Variants in CCNA1 observed in about 807,000 individuals in gnomAD.
CCNA1 encodes cyclin-A1.
Under a neutral mutation model 54.1 loss-of-function variants are expected in CCNA1, and 23 were observed. The observed-to-expected ratio is 0.42, with a 90% CI of 0.31 to 0.60. The LOEUF is 0.60. Ranked by LOEUF, CCNA1 falls within the 20% of genes least tolerant of loss-of-function variation. The probability of loss-of-function intolerance (pLI) is 0.14; values close to 1 mark genes in which losing one functional copy is unlikely to be tolerated. For synonymous variants in CCNA1, 208 were observed against 213.9 expected (o/e 0.97, Z 0.24); for missense variants, 450 against 556.7 (o/e 0.81, Z 1.93).
Position 36,440,157 on chromosome 13 carries a change from T to C in CCNA1, c.1072T>C (p.Cys358Arg), listed in dbSNP as rs1280032733. Residue 358 changes from cysteine to arginine, a missense_variant, in exon 6 of 9, where the codon TGC becomes CGC. This residue lies in a region of CCNA1 where 150 missense variants were observed against 219.7 expected (regional missense o/e 0.68). Coordinates refer to ENST00000255465, the MANE Select transcript of CCNA1 (RefSeq NM_003914.4). ...TCAGTACTTGAGGCGACAAGGAGTG[T>C]GCGTCAGGACTGAGAACCTGGCTAA... is the stretch of plus-strand genomic sequence containing the variant. The C allele has an allele frequency of 6.2e-7, 1 of 1,614,088 alleles. No homozygotes were observed. Among genetic ancestry groups the C allele is most frequent in the Non-Finnish European group, 8.5e-7 (1 of 1,179,940 alleles).
chr13:36,441,748 T>G (rs2055877405), intron 7 of CCNA1, among the ~76,000 whole-genome samples: 1 of 152,204 alleles, frequency 6.6e-6, no homozygotes, highest in African/African-American at 2.4e-5. Flanking sequence ...CTTATTTTCA[T>G]GAATGCTTAT....
At chr13:36,431,977 A>T (rs2137797853), upstream of CCNA1, 1 of 153,076 alleles carries the variant, frequency 6.5e-6, no homozygotes, top group East Asian at 1.9e-4. Context: ...AGCCGGGGCC[A>T]TCGTGGGGTG....
Position 36,438,651 on chromosome 13 carries a change from A to T in CCNA1, c.677A>T (p.His226Leu). Residue 226 changes from histidine to leucine, a missense_variant, in exon 5 of 9, where the codon CAC (histidine) becomes CTC (leucine). Physicochemically the swap from His to Leu is moderately conservative, Grantham distance 99 (BLOSUM62 -3). Around this residue, in one of 6 missense-constraint regions of CCNA1, gnomAD observed 150 missense variants for 219.7 expected, o/e 0.68. Transcript: ENST00000255465. The stretch of plus-strand genomic sequence containing the variant: ...AAACCTTTTCCCAATCAGATAAGGC[A>T]CAGACCCAAAGCACACTACATGAAG... 6.2e-7 allele frequency: 1 copy of T among 1,613,470 alleles called. No homozygotes were observed. The highest frequency in any genetic ancestry group is 8.5e-7 in the Non-Finnish European group (1 of 1,179,716).
Position 36,433,372 on chromosome 13 carries a change from TTCTTTCTTTCTTTCTTTCTTTC to T in CCNA1, c.297+153_297+174del, listed in dbSNP as rs1238070838. ...CTACAGGAAAGTTGATTGATTTATTTTCTTTCTTTCTTTCTTTCTTTCTTTCTTTCTTTCTTTCTTTCTTTCT... is the reference window on the plus strand; with the variant it reads ...CTACAGGAAAGTTGATTGATTTATTTTTTCTTTCTTTCTTTCTTTCTTTCT... On this transcript the variant is annotated intron_variant, in intron 2 of 8. Transcript: ENST00000255465. 9.1e-3 allele frequency: 721 copies of T among 79,466 alleles called. 53 individuals carry two copies. Among genetic ancestry groups the T allele is most frequent in the African/African-American group, 0.046 (655 of 14,380 alleles). 4.9% of individuals were successfully genotyped at this position (79,466 alleles called of 1,614,324 possible). A position where few individuals can be genotyped will look rare whatever the true frequency, so the allele number is the denominator to read the frequency against.
intron 2 of CCNA1, among the ~76,000 whole-genome samples, chr13:36,437,305 TC>T (rs1207105324): frequency 6.6e-6 from 1 of 152,200 alleles, no homozygotes; most frequent in Non-Finnish European, 1.5e-5. Context: ...TTTACAGTTT[TC>T]CCTTTATATG....
At chr13:36,431,980 G>C (rs965715102), upstream of CCNA1, 15 of 152,986 alleles carry the variant, frequency 9.8e-5, no homozygotes, top group Non-Finnish European at 1.8e-4. Flanking sequence ...CGGGGCCATC[G>C]TGGGGTGGGC....
In CCNA1 at chr13:36,437,620, G is replaced by GT. The variant is rs756043423; in HGVS notation, c.298-3dup. ...GTGGCCTCTAACAAAAGATTTAAAC[G>GT]TTTTTTAGGGGATCACAAGAATCAG... On this transcript the variant is annotated splice_polypyrimidine_tract_variant and intron_variant, in intron 2 of 8. Coordinates refer to ENST00000255465, the MANE Select transcript of CCNA1 (RefSeq NM_003914.4). The GT allele has an allele frequency of 1.9e-6, 3 of 1,613,074 alleles. No homozygotes were observed. The African/African-American group carries it at 4.0e-5, about 22-fold the overall frequency.
chr13:36,441,009 T>G (rs1593327018), intron 6 of CCNA1, 109 bp from the exon 7 acceptor site: 1 of 571,920 alleles, frequency 1.7e-6, no homozygotes, highest in Non-Finnish European at 3.1e-6. Context: ...TTTTTGTAGA[T>G]GCCGACTGAA....
intron 8 of CCNA1, 144 bp from the exon 9 acceptor site, chr13:36,442,470 T>A: frequency 9.2e-7 from 1 of 1,081,520 alleles, no homozygotes; most frequent in Non-Finnish European, 1.3e-6. Flanking sequence ...CCTAGATTTA[T>A]AATTTGTCAG....
At chr13:36,439,936 C>T (rs924561485) in intron 5 of CCNA1, 43 bp from the exon 6 acceptor site, 12 of 1,412,016 alleles carry the variant, frequency 8.5e-6, no homozygotes, top group Admixed American at 6.8e-5. Flanking sequence ...GGAGTAGAGC[C>T]AAAGGTTCTA....
chr13:36,432,957 G>C, intron 1 of CCNA1, 76 bp from the exon 2 acceptor site: 3 of 1,374,338 alleles, frequency 2.2e-6, no homozygotes, highest in Non-Finnish European at 3.0e-6. Flanking sequence ...CTCCCTCCTA[G>C]AGGTTCGCTG....
In CCNA1 at chr13:36,442,793, GA is replaced by G; in HGVS notation, c.*130del. 1.3e-6 allele frequency: 1 copy of G among 774,872 alleles called. No homozygotes were observed. 48.0% of individuals were successfully genotyped at this position (774,872 alleles called of 1,614,324 possible). On this transcript the variant is annotated 3_prime_UTR_variant, in exon 9 of 9. Transcript: ENST00000255465. ...TAGATGACATTTTAAAAATGTAAATGAATTTAGTTTCCCTTAGACTTTAGTA... is the reference window on the plus strand; with the variant it reads ...TAGATGACATTTTAAAAATGTAAATGATTTAGTTTCCCTTAGACTTTAGTA...
At chr13:36,432,959 G>T in intron 1 of CCNA1, 74 bp from the exon 2 acceptor site, 1 of 1,391,732 alleles carries the variant, frequency 7.2e-7, no homozygotes, top group Non-Finnish European at 1.0e-6. Flanking sequence ...CCCTCCTAGA[G>T]GTTCGCTGTG....
At chr13:36,435,373 G>GCA (rs1425628668) in intron 2 of CCNA1, among the ~76,000 whole-genome samples, 2 of 152,182 alleles carry the variant, frequency 1.3e-5, no homozygotes, top group African/African-American at 4.8e-5. Context: ...GGCCAGGATG[G>GCA]CACACATTGT....
chr13:36,432,620 G>A lies in CCNA1; in HGVS notation c.-2G>A. ...AGCGCAGCACCCTGCTCGTCACTTGGGATGGAGACCGGCTTTCCCGCAATC... is the reference window on the plus strand; with the variant it reads ...AGCGCAGCACCCTGCTCGTCACTTGAGATGGAGACCGGCTTTCCCGCAATC... On this transcript the variant is annotated 5_prime_UTR_variant, in exon 1 of 9. Coordinates refer to ENST00000255465, the MANE Select transcript of CCNA1 (RefSeq NM_003914.4). 1 of 1,582,622 alleles carries A rather than the reference G, an allele frequency of 6.3e-7. No individual in the cohort carries two copies. Among genetic ancestry groups the A allele is most frequent in the Non-Finnish European group, 8.6e-7 (1 of 1,164,398 alleles).
chr13:36,441,349 G>A, intron 7 of CCNA1, 118 bp downstream of exon 7: 1 of 609,792 alleles, frequency 1.6e-6, no homozygotes, highest in South Asian at 2.0e-5. Context: ...ACCACAACAT[G>A]CCACTGAGTC....
intron 2 of CCNA1, among the ~76,000 whole-genome samples, chr13:36,437,011 T>C (rs1029202800): frequency 6.6e-6 from 1 of 152,206 alleles, no homozygotes. Context: ...TTCCCATTGT[T>C]CATGTTATAA....
intron 7 of CCNA1, 43 bp from the exon 8 acceptor site, chr13:36,442,128 T>C (rs751061167): frequency 1.9e-6 from 3 of 1,552,856 alleles, no homozygotes; most frequent in East Asian, 2.3e-5. Flanking sequence ...GGATATCTAA[T>C]ATAAAGTTAT....
intron 1 of CCNA1, 71 bp from the exon 2 acceptor site, chr13:36,432,962 T>TC: frequency 7.0e-7 from 1 of 1,422,944 alleles, no homozygotes. Context: ...TCCTAGAGGT[T>TC]CGCTGTGTCC....
Sources: gnomAD v4.1 joint callset for allele counts (sites outside exome capture counted in the v4.1 genomes callset) on GRCh38, gnomAD v4.1.1 for gene constraint, gnomAD v4.1.1 regional missense constraint, MANE v1.5 for transcripts, NCBI Gene and HGNC (gene_info 2026-07-23, HGNC 2026-07-21) for gene names.